Variants in FAT4 observed in about 807,000 individuals in gnomAD.
FAT4 encodes the protein protocadherin Fat 4.
Under a neutral mutation model 303.9 loss-of-function variants are expected in FAT4, and 84 were observed. The observed-to-expected ratio is 0.28, with a 90% CI of 0.23 to 0.33. FAT4 has a LOEUF of 0.33. Ranked by LOEUF, FAT4 falls within the 10% of genes least tolerant of loss-of-function variation. The pLI is 1.00. For synonymous variants in FAT4, 2,307 were observed against 2,298.8 expected, an observed-to-expected ratio of 1.00 and a Z score of -0.10; for missense variants, 6,005 against 6,146.8, an observed-to-expected ratio of 0.98 and a Z score of 0.77.
Position 125,479,868 on chromosome 4 carries a change from A to G in FAT4, c.12604+3A>G, listed in dbSNP as rs1257564832. The G allele has an allele frequency of 3.8e-6, 6 of 1,562,996 alleles. No individual in the cohort carries two copies. The highest frequency in any genetic ancestry group is 5.2e-6 in the Non-Finnish European group (6 of 1,146,820). Reference sequence around the variant, plus strand: ...CACTGGGAAATACTGTGAAAAATGTATGTAAGGTCTTCCGTCTTCCCCTGG... The same window carrying G: ...CACTGGGAAATACTGTGAAAAATGTGTGTAAGGTCTTCCGTCTTCCCCTGG... On this transcript the variant is annotated splice_donor_region_variant and intron_variant, in intron 15 of 17. Transcript: ENST00000394329.
intron 16 of FAT4, among the ~76,000 whole-genome samples, chr4:125,484,739 T>G (rs947576386): frequency 1.5e-4 from 23 of 152,156 alleles, no homozygotes; most frequent in African/African-American, 5.6e-4. Flanking sequence ...TATGGCATGT[T>G]TACTGTACTA....
Position 125,315,448 on chromosome 4 carries a change from A to AC in FAT4, c.-535dup, listed in dbSNP as rs539092032. On this transcript the variant is annotated 5_prime_UTR_variant, in exon 1 of 18. Coordinates refer to ENST00000394329, the MANE Select transcript of FAT4 (RefSeq NM_001291303.3). Reference sequence around the variant, plus strand: ...TTCTGACTGGGGCCGCCGGAGAACGACCCCCCCTGGCATGGTGAGGGGAGG... The same window carrying AC: ...TTCTGACTGGGGCCGCCGGAGAACGACCCCCCCCTGGCATGGTGAGGGGAGG... 0.018 allele frequency among the ~76,000 whole-genome samples: 2,727 copies of AC among 149,916 alleles called. 27 individuals are homozygous for AC. Among genetic ancestry groups the AC allele is most frequent in the Non-Finnish European group, 0.029 (1,962 of 67,446 alleles).
intron 2 of FAT4, among the ~76,000 whole-genome samples, chr4:125,370,671 A>G (rs1733070254): frequency 6.6e-6 from 1 of 152,140 alleles, no homozygotes; most frequent in African/African-American, 2.4e-5. Flanking sequence ...TGTAAGGTAA[A>G]CCTGATTACT....
chr4:125,483,238 C>T (rs1471212838), intron 16 of FAT4, among the ~76,000 whole-genome samples: 3 of 152,122 alleles, frequency 2.0e-5, no homozygotes, highest in Non-Finnish European at 2.9e-5. Context: ...ACATTATTAT[C>T]TGGTACTTAT....
intron 2 of FAT4, among the ~76,000 whole-genome samples, chr4:125,325,294 A>G (rs1731110147): frequency 6.6e-6 from 1 of 152,166 alleles, no homozygotes; most frequent in Non-Finnish European, 1.5e-5. Flanking sequence ...TTTCAAAATT[A>G]TTGGTGTAAC....
intron 2 of FAT4, among the ~76,000 whole-genome samples, chr4:125,391,466 A>G (rs978477255): frequency 6.6e-6 from 1 of 152,150 alleles, no homozygotes; most frequent in African/African-American, 2.4e-5. Flanking sequence ...GAAGTTGAAC[A>G]ATGAGAACAC....
intron 2 of FAT4, among the ~76,000 whole-genome samples, chr4:125,360,143 T>G (rs763822280): frequency 5.3e-5 from 8 of 152,170 alleles, no homozygotes; most frequent in Non-Finnish European, 1.2e-4. Flanking sequence ...TCTGACATTC[T>G]AAAAGCTCTC....
Position 125,416,517 on chromosome 4 carries a change from G to A in FAT4, c.6913G>A (p.Asp2305Asn). The change falls in exon 7 of 18, where the codon GAC becomes AAC. Residue 2305 changes from aspartate (D) to asparagine (N), a missense_variant. By Grantham distance (23) the Asp-to-Asn change is conservative (BLOSUM62 1). Transcript: ENST00000394329. The stretch of plus-strand genomic sequence containing the variant: ...ATATGTTCTGTTTGGTGGTAATGAA[G>A]ACAATGCTTTTACTCTCTCAGCCAG... ...LSYVLFGGNE[D>N]NAFTLSASGE... The A allele has an allele frequency of 6.2e-7, 1 of 1,613,982 alleles. No homozygotes were observed. The highest frequency in any genetic ancestry group is 8.5e-7 in the Non-Finnish European group (1 of 1,179,902).
chr4:125,432,041 T>C (rs1357088749), intron 7 of FAT4, among the ~76,000 whole-genome samples: 51 of 152,202 alleles, frequency 3.4e-4, no homozygotes, highest in Non-Finnish European at 1.2e-4. Flanking sequence ...TTAAAATCTA[T>C]GCCAAGATTA....
chr4:125,450,341 A>G lies in FAT4; in HGVS notation c.9331A>G (p.Arg3111Gly). ...GAGCCATAGCATTGGGTCCATTGTCAGAACTGTTTCTGCAAGAGATAGAGA... is the reference window on the plus strand; with the variant it reads ...GAGCCATAGCATTGGGTCCATTGTCGGAACTGTTTCTGCAAGAGATAGAGA... ...PESHSIGSIV[R>G]TVSARDRDAA... The change falls in exon 10 of 18, where the codon AGA (arginine) becomes GGA (glycine). Residue 3111 changes from arginine (R) to glycine (G), a missense_variant. Arg to Gly is a moderately radical substitution (Grantham distance 125). Transcript: ENST00000394329. 4 of 1,614,146 alleles carry G rather than the reference A, an allele frequency of 2.5e-6. No individual in the cohort carries two copies. Among genetic ancestry groups the G allele is most frequent in the Non-Finnish European group, 3.4e-6 (4 of 1,180,000 alleles).
chr4:125,446,286 G>A lies in FAT4; in HGVS notation c.7200-7G>A. ...TGACATATCCCTATTTCTGCTTTCT[G>A]CTTTAGTTATAGGATCATCGGTGGA... is the stretch of plus-strand genomic sequence containing the variant. On this transcript the variant is annotated splice_polypyrimidine_tract_variant and splice_region_variant and intron_variant, in intron 8 of 17. Transcript: ENST00000394329. 1 of 1,608,206 alleles carries A rather than the reference G, an allele frequency of 6.2e-7. No individual in the cohort carries two copies.
At chr4:125,474,074 A>G (rs1163900081) in intron 12 of FAT4, among the ~76,000 whole-genome samples, 1 of 152,108 alleles carries the variant, frequency 6.6e-6, no homozygotes, top group Admixed American at 6.5e-5. Context: ...CAACAGTAAA[A>G]GAGAATTTAA....
In FAT4 at chr4:125,349,970, G is replaced by A. The variant is rs568043648; in HGVS notation, c.5175+28384G>A. 7.4e-4 allele frequency among the ~76,000 whole-genome samples: 112 copies of A among 151,690 alleles called. 1 individual carries two copies. The highest frequency in any genetic ancestry group is 1.1e-3 in the Non-Finnish European group (75 of 67,762). ...ACATTATATTTATTTTGTAACTGTC[G>A]TCAGTTTTTTATGTATGGATCTATT... On this transcript the variant is annotated intron_variant, in intron 2 of 17. Transcript: ENST00000394329.
chr4:125,400,942 ATG>A (rs1734365953), intron 3 of FAT4, among the ~76,000 whole-genome samples: 1 of 151,978 alleles, frequency 6.6e-6, no homozygotes, highest in African/African-American at 2.4e-5. Flanking sequence ...TGCTGACAAT[ATG>A]TATGAGGTGT....
rs559705327 is a variant in FAT4 at position 125,450,252 on chromosome 4, T to C, written c.9242T>C (p.Val3081Ala). The C allele has an allele frequency of 6.2e-7, 1 of 1,614,050 alleles. No homozygotes were observed. Among genetic ancestry groups the C allele is most frequent in the African/African-American group, 1.3e-5 (1 of 75,018 alleles). The part of the protein sequence containing the change: ...LSSQATVHIT[V>A]TEENYHTPEF... The stretch of plus-strand genomic sequence containing the variant: ...TCCCAAGCAACTGTTCACATAACTG[T>C]CACTGAGGAAAACTACCATACACCT... The change falls in exon 10 of 18, where the codon GTC (valine) becomes GCC (alanine). Residue 3081 changes from valine (V) to alanine (A), a missense_variant. By Grantham distance (64) the Val-to-Ala change is moderately conservative. Transcript: ENST00000394329.
At chr4:125,340,959 C>T (rs908499802) in intron 2 of FAT4, among the ~76,000 whole-genome samples, 3 of 152,098 alleles carry the variant, frequency 2.0e-5, no homozygotes, top group African/African-American at 7.2e-5. Context: ...GTACACTGTC[C>T]TGTTTATTAA....
At chr4:125,398,219 G>A (rs1019996576) in intron 2 of FAT4, among the ~76,000 whole-genome samples, 2 of 152,110 alleles carry the variant, frequency 1.3e-5, no homozygotes, top group African/African-American at 2.4e-5. Flanking sequence ...CTTAGCTTTA[G>A]TCACAAATAG....
At chr4:125,396,259 T>G (rs939731084) in intron 2 of FAT4, among the ~76,000 whole-genome samples, 1 of 152,142 alleles carries the variant, frequency 6.6e-6, no homozygotes, top group African/African-American at 2.4e-5. Flanking sequence ...GGTTTTTATA[T>G]GTATATATGT....
Position 125,395,949 on chromosome 4 carries a change from T to C in FAT4, c.5176-2835T>C, listed in dbSNP as rs1293348054. On this transcript the variant is annotated intron_variant, in intron 2 of 17. Transcript: ENST00000394329. ...AGCACTATGTAGTGATCCCCTAGTTTAGTTTTTTAAAAAATTTTGACAGAG... is the reference window on the plus strand; with the variant it reads ...AGCACTATGTAGTGATCCCCTAGTTCAGTTTTTTAAAAAATTTTGACAGAG... 2.6e-5 allele frequency among the ~76,000 whole-genome samples: 4 copies of C among 152,310 alleles called. No individual in the cohort carries two copies. In the East Asian group the frequency reaches 7.7e-4, roughly 29 times the overall value.
Sources: gnomAD v4.1 joint callset for allele counts (sites outside exome capture counted in the v4.1 genomes callset) on GRCh38, gnomAD v4.1.1 for gene constraint, MANE v1.5 for transcripts, NCBI Gene and HGNC (gene_info 2026-07-23, HGNC 2026-07-21) for gene names.